Variants in ABCC12 observed in about 807,000 individuals in gnomAD.
ABCC12 encodes the protein ATP binding cassette subfamily C member 12.
In ABCC12, 142 loss-of-function variants were observed where a neutral mutation model predicts 151.1. That is an observed-to-expected ratio of 0.94 (90% confidence interval 0.82 to 1.08). The LOEUF is 1.08. Among genes scored for constraint, ABCC12 ranks in the 50% least tolerant of loss-of-function variants. The probability of loss-of-function intolerance (pLI) is 0.00; values close to 1 mark genes in which losing one functional copy is unlikely to be tolerated. For missense variants in ABCC12, 1,638 were observed against 1,691.1 expected (o/e 0.97, Z 0.55); for synonymous variants, 645 against 646.4 (o/e 1.00, Z 0.03).
At chr16:48,089,510 G>A (rs1597301050) in intron 25 of ABCC12, among the ~76,000 whole-genome samples, 1 of 152,150 alleles carries the variant, frequency 6.6e-6, no homozygotes, top group African/African-American at 2.4e-5. Flanking sequence ...GAGCAGCTTG[G>A]CTTCATCACA....
Position 48,096,873 on chromosome 16 carries a change from C to A in ABCC12, c.3068G>T (p.Arg1023Met), listed in dbSNP as rs1389373415. The A allele has an allele frequency of 6.2e-7, 1 of 1,614,130 alleles. No homozygotes were observed. The highest frequency in any genetic ancestry group is 1.1e-5 in the South Asian group (1 of 91,074). Residue 1023 changes from arginine to methionine, a missense_variant, in exon 24 of 31, where the codon AGG (arginine) becomes ATG (methionine). Coordinates refer to ENST00000311303, the MANE Select transcript of ABCC12 (RefSeq NM_001393797.1). ...YHLLYFNCAL[R>M]WFALRMDVLM... ...GACATCCATTCTCAGCGCAAACCAC[C>A]TGAGAGCACAGTTAAAGTAGAGGAG...
In ABCC12 at chr16:48,088,572, C is replaced by T; in HGVS notation, c.3448G>A (p.Val1150Ile). 6.2e-7 allele frequency: 1 copy of T among 1,614,132 alleles called. No homozygotes were observed. Among genetic ancestry groups the T allele is most frequent in the Non-Finnish European group, 8.5e-7 (1 of 1,179,986 alleles). Residue 1150 changes from valine to isoleucine, a missense_variant, in exon 26 of 31, where the codon GTC (valine) becomes ATC (isoleucine). Transcript: ENST00000311303. ...LNLNIQSGQTVGIVGRTGSGK... is the reference protein window; with the variant it reads ...LNLNIQSGQTIGIVGRTGSGK... ...GAACCTGTTCTTCCAACAATCCCGA[C>T]TGTCTGCCCACTTTGTATGTTCAAG...
intron 24 of ABCC12, among the ~76,000 whole-genome samples, chr16:48,093,590 A>C (rs1281289980): frequency 6.6e-6 from 1 of 152,054 alleles, no homozygotes; most frequent in East Asian, 1.9e-4. Flanking sequence ...CCAGCTGCCC[A>C]CTAGAATGAG....
chr16:48,117,631 C>T (rs1212216597), intron 13 of ABCC12, among the ~76,000 whole-genome samples: 1 of 152,234 alleles, frequency 6.6e-6, no homozygotes, highest in African/African-American at 2.4e-5. Flanking sequence ...GCAGGAAACA[C>T]TGAGGGCGCC....
chr16:48,143,564 C>T (rs2150677299), intron 4 of ABCC12, among the ~76,000 whole-genome samples: 1 of 152,340 alleles, frequency 6.6e-6, no homozygotes, highest in Admixed American at 6.5e-5. Context: ...CAAATCTCAT[C>T]TTGAATTTTA....
rs137885503 is a variant in ABCC12, at chr16:48,141,444, C to T, written c.276-91G>A. ...TTGGGCATGCTCTTGCAAGGGTGCT[C>T]GGCAGAGCCCCCCTCCCTGGCAGTG... On this transcript the variant is annotated intron_variant, in intron 4 of 30. Transcript: ENST00000311303. 4.4e-4 allele frequency: 664 copies of T among 1,516,352 alleles called. 9 individuals are homozygous for T. The East Asian group carries it at 0.014, about 31-fold the overall frequency. 93.9% of individuals were successfully genotyped at this position (1,516,352 alleles called of 1,614,324 possible). A position where few individuals can be genotyped will look rare whatever the true frequency, so the allele number is the denominator to read the frequency against.
intron 2 of ABCC12, among the ~76,000 whole-genome samples, chr16:48,153,129 T>C (rs61692943): frequency 0.019 from 2,827 of 152,284 alleles, 106 homozygotes; most frequent in African/African-American, 0.066. Flanking sequence ...GTAAATGAAA[T>C]GTGTAAAAGA....
intron 12 of ABCC12, among the ~76,000 whole-genome samples, chr16:48,123,520 G>A (rs1289477110): frequency 3.9e-5 from 6 of 152,094 alleles, no homozygotes; most frequent in African/African-American, 1.2e-4. Context: ...GAAGTACCCC[G>A]ACCTCTTCCT....
chr16:48,087,061 AC>A, intron 27 of ABCC12: 1 of 439,234 alleles, frequency 2.3e-6, no homozygotes, highest in South Asian at 3.1e-5. Context: ...GACAGGTGGA[AC>A]CCTGCCGAGA....
At chr16:48,144,910 A>G (rs74018266) in intron 3 of ABCC12, among the ~76,000 whole-genome samples, 24,015 of 152,118 alleles carry the variant, frequency 0.16, 3,262 homozygotes, top group African/African-American at 0.37. Context: ...TGGCAGGGTC[A>G]TATTATATGC....
In ABCC12 at chr16:48,080,924, G is replaced by A. The variant is rs1379345923; in HGVS notation, c.*2791C>T. Among the ~76,000 whole-genome samples the A allele has an allele frequency of 2.0e-5, 3 of 152,172 alleles. No homozygotes were observed. Among genetic ancestry groups the A allele is most frequent in the South Asian group, 4.1e-4 (2 of 4,830 alleles). On this transcript the variant is annotated 3_prime_UTR_variant, in exon 31 of 31. Coordinates refer to ENST00000311303, the MANE Select transcript of ABCC12 (RefSeq NM_001393797.1). ...AAATTTATTGCTCACAGTTCTGGAC[G>A]CTGGGAAATCCATGGTCGAGGTGCC...
At position 48,121,852 on chromosome 16, in the gene ABCC12, A is replaced by G. The variant is rs557513464; in HGVS notation, c.1588-12T>C. The G allele has an allele frequency of 1.2e-5, 20 of 1,614,038 alleles. No homozygotes were observed. The South Asian group carries it at 1.9e-4, about 15-fold the overall frequency. On this transcript the variant is annotated splice_polypyrimidine_tract_variant and intron_variant, in intron 12 of 30. Transcript: ENST00000311303. The stretch of plus-strand genomic sequence containing the variant: ...TTCTGCAGCTGCATCTGGAACAACA[A>G]GACGGGAGAAGCTTCAGGAGCCAAG...
intron 9 of ABCC12, among the ~76,000 whole-genome samples, chr16:48,132,270 C>T (rs1215499123): frequency 6.6e-6 from 1 of 152,174 alleles, no homozygotes; most frequent in Admixed American, 6.5e-5. Context: ...CACAGCTGGG[C>T]TGAAGGCCCT....
intron 16 of ABCC12, 35 bp from the exon 17 acceptor site, chr16:48,111,697 G>A: frequency 1.2e-6 from 2 of 1,614,086 alleles, no homozygotes; most frequent in East Asian, 2.2e-5. Context: ...TGAATGCTAA[G>A]TGACAGGACC....
At chr16:48,113,003 C>A (rs373442823) in intron 15 of ABCC12, among the ~76,000 whole-genome samples, 3 of 152,122 alleles carry the variant, frequency 2.0e-5, no homozygotes, top group Admixed American at 1.3e-4. Flanking sequence ...AGCTCTCCCC[C>A]CAGGATCAAG....
intron 23 of ABCC12, among the ~76,000 whole-genome samples, chr16:48,100,505 C>A (rs909964961): frequency 6.6e-6 from 1 of 151,944 alleles, no homozygotes; most frequent in South Asian, 2.1e-4. Context: ...AAAAAAAGAA[C>A]AAAAAATGGA....
chr16:48,129,606 T>C (rs1964355209), intron 10 of ABCC12, among the ~76,000 whole-genome samples: 1 of 152,158 alleles, frequency 6.6e-6, no homozygotes. Flanking sequence ...TTCAAGGATT[T>C]TGAGCAGCTG....
chr16:48,136,515 C>T (rs989427061), intron 8 of ABCC12, among the ~76,000 whole-genome samples: 1 of 152,178 alleles, frequency 6.6e-6, no homozygotes, highest in Non-Finnish European at 1.5e-5. Context: ...AGGTGCTGCA[C>T]CTGTGTTTGG....
At position 48,146,391 on chromosome 16, in the gene ABCC12, G is replaced by A. The variant is rs1965004086; in HGVS notation, c.34C>T (p.Leu12=). 1 of 1,614,190 alleles carries A rather than the reference G, an allele frequency of 6.2e-7. No homozygotes were observed. The highest frequency in any genetic ancestry group is 1.3e-5 in the African/African-American group (1 of 75,056). The change falls in exon 3 of 31, where the codon CTG becomes TTG. Residue 12 remains leucine (L), a synonymous_variant. Transcript: ENST00000311303. ...GATCTCCGCCGGCCTCGCTGGTCCAGATCTGAGATAAGGTAGGGTCCTTCA... is the reference window on the plus strand; with the variant it reads ...GATCTCCGCCGGCCTCGCTGGTCCAAATCTGAGATAAGGTAGGGTCCTTCA... ...VGEGPYLISD[L]DQRGRRRSFA...
Sources: gnomAD v4.1 joint callset for allele counts (sites outside exome capture counted in the v4.1 genomes callset) on GRCh38, gnomAD v4.1.1 for gene constraint, MANE v1.5 for transcripts, NCBI Gene and HGNC (gene_info 2026-07-23, HGNC 2026-07-21) for gene names.